Variants in MYO18B observed in about 807,000 individuals in gnomAD.
MYO18B encodes the protein myosin XVIIIB, also known as unconventional myosin-XVIIIb.
A neutral mutation model predicts 273.0 loss-of-function variants in MYO18B; 204 were observed. The observed-to-expected ratio is 0.75, with a 90% CI of 0.67 to 0.84. The LOEUF (loss-of-function observed/expected upper bound fraction) is 0.84, where lower values mean the gene tolerates loss of function less well. MYO18B is among the 40% of genes least tolerant of loss of function. The pLI is 0.00. For synonymous variants in MYO18B, 1,330 were observed against 1,305.7 expected, an observed-to-expected ratio of 1.02 and a Z score of -0.40; for missense variants, 3,212 against 3,287.6, an observed-to-expected ratio of 0.98 and a Z score of 0.56.
chr22:25,789,283 A>T (rs1404908436), intron 11 of MYO18B, among the ~76,000 whole-genome samples: 1 of 151,624 alleles, frequency 6.6e-6, no homozygotes, highest in African/African-American at 2.4e-5. Flanking sequence ...TACTGAATTT[A>T]TCTCTATTCT....
the MYO18B span, among the ~76,000 whole-genome samples, chr22:26,042,486 T>C: frequency 4.6e-5 from 7 of 152,340 alleles, no homozygotes; most frequent in East Asian, 1.3e-3. Flanking sequence ...GTGGGGAATA[T>C]TTACATCTTC....
intron 34 of MYO18B, among the ~76,000 whole-genome samples, chr22:25,938,229 TA>T (rs1158204804): frequency 6.6e-6 from 1 of 152,220 alleles, no homozygotes. Flanking sequence ...TCTAGTAGCT[TA>T]ACAAATCCTA....
intron 21 of MYO18B, among the ~76,000 whole-genome samples, chr22:25,859,631 C>CT (rs1041156219): frequency 1.8e-4 from 26 of 146,952 alleles, no homozygotes; most frequent in South Asian, 1.3e-3. Flanking sequence ...ATGATGTTGA[C>CT]TTTTTTTTTT....
chr22:25,885,763 TGGG>T (rs1198140633), intron 25 of MYO18B, among the ~76,000 whole-genome samples: 3 of 152,124 alleles, frequency 2.0e-5, no homozygotes, highest in Non-Finnish European at 4.4e-5. Flanking sequence ...CTGAAACACT[TGGG>T]GGGCCCTAAT....
Position 25,943,756 on chromosome 22 carries a change from G to A in MYO18B, c.5518-2381G>A, listed in dbSNP as rs897079540. On this transcript the variant is annotated intron_variant, in intron 34 of 43. Coordinates refer to ENST00000335473, the MANE Select transcript of MYO18B (RefSeq NM_032608.7). ...TTTTCTGAGACGGAGTTTCGGTCTT[G>A]TTACCCAGGCTGGAGTGCAATGGTG... Among the ~76,000 whole-genome samples the A allele has an allele frequency of 2.0e-3, 204 of 100,652 alleles. 4 individuals are homozygous for A. The highest frequency in any genetic ancestry group is 2.0e-4 in the Non-Finnish European group (11 of 53,918). 66.0% of individuals were successfully genotyped at this position (100,652 alleles called of 152,430 possible). A position where few individuals can be genotyped will look rare whatever the true frequency, so the allele number is the denominator to read the frequency against.
At chr22:25,974,913 T>C (rs2146755455) in intron 39 of MYO18B, among the ~76,000 whole-genome samples, 1 of 152,270 alleles carries the variant, frequency 6.6e-6, no homozygotes, top group Middle Eastern at 3.4e-3. Flanking sequence ...AAGGAGACTT[T>C]GGAGGCTGTG....
the MYO18B span, among the ~76,000 whole-genome samples, chr22:26,056,441 ACTC>A: frequency 3.7e-4 from 56 of 152,120 alleles, no homozygotes; most frequent in African/African-American, 1.2e-3. Context: ...AGGTATCCTC[ACTC>A]CTGGTCCTGT....
At chr22:26,041,153 C>CT in the MYO18B span, among the ~76,000 whole-genome samples, 2 of 151,464 alleles carry the variant, frequency 1.3e-5, no homozygotes, top group African/African-American at 2.4e-5. Flanking sequence ...CTTTTAGAGC[C>CT]TTTTTTTTCC....
intron 6 of MYO18B, among the ~76,000 whole-genome samples, chr22:25,771,934 A>G (rs57859940): frequency 0.014 from 2,117 of 152,304 alleles, 54 homozygotes; most frequent in African/African-American, 0.047. Context: ...GAGCATATTG[A>G]GAGCTTCCTC....
intron 8 of MYO18B, among the ~76,000 whole-genome samples, chr22:25,779,174 C>T (rs771841238): frequency 3.9e-5 from 6 of 152,036 alleles, no homozygotes; most frequent in Admixed American, 6.6e-5. Context: ...TTGCTCTTCT[C>T]AGGGGCAATA....
chr22:25,951,043 G>A (rs906026864), intron 37 of MYO18B, among the ~76,000 whole-genome samples: 6 of 152,204 alleles, frequency 3.9e-5, no homozygotes, highest in African/African-American at 1.4e-4. Flanking sequence ...GGGAGGCTAA[G>A]GCCCATCTCT....
chr22:26,009,107 C>G (rs5997020), intron 42 of MYO18B, among the ~76,000 whole-genome samples: 14,695 of 152,226 alleles, frequency 0.097, 1,045 homozygotes, highest in African/African-American at 0.2. Context: ...TCCCTCTGAT[C>G]TCTCCCCATC....
At chr22:25,765,097 G>A (rs543822293) in intron 3 of MYO18B, among the ~76,000 whole-genome samples, 5 of 152,250 alleles carry the variant, frequency 3.3e-5, no homozygotes, top group African/African-American at 1.2e-4. Context: ...AAGTAAAGAG[G>A]CAGAGTTAAG....
At chr22:26,004,681 G>T in intron 41 of MYO18B, 37 bp from the exon 42 acceptor site, 8 of 1,610,140 alleles carry the variant, frequency 5.0e-6, no homozygotes, top group Non-Finnish European at 6.8e-6. Flanking sequence ...TACTGTGATT[G>T]TCATTGTGCT....
At chr22:25,895,427 T>A in intron 28 of MYO18B, 147 bp downstream of exon 28, 1 of 874,538 alleles carries the variant, frequency 1.1e-6, no homozygotes. Flanking sequence ...TCCACTATTA[T>A]TACAAATGCT....
In MYO18B at chr22:25,903,712, T is replaced by A. The variant is rs1386436992; in HGVS notation, c.5029T>A (p.Ser1677Thr). The A allele has an allele frequency of 1.2e-6, 2 of 1,608,912 alleles. No individual in the cohort carries two copies. The highest frequency in any genetic ancestry group is 2.2e-5 in the East Asian group (1 of 44,724). Residue 1677 changes from serine to threonine, a missense_variant, in exon 31 of 44, where the codon TCT becomes ACT. Coordinates refer to ENST00000335473, the MANE Select transcript of MYO18B (RefSeq NM_032608.7). ...DHKRELLGSP[S>T]LGENCVAGLK... ...TAAACGGGAGCTGCTGGGGTCACCCTCTCTGGGGGAAAATTGCGTTGCTGG... is the reference window on the plus strand; with the variant it reads ...TAAACGGGAGCTGCTGGGGTCACCCACTCTGGGGGAAAATTGCGTTGCTGG...
At position 26,026,726 on chromosome 22, in the gene MYO18B, C is replaced by G. The variant is rs758997504; in HGVS notation, c.6752C>G (p.Ser2251Trp). 3 of 1,613,580 alleles carry G rather than the reference C, an allele frequency of 1.9e-6. No individual in the cohort carries two copies. The highest frequency in any genetic ancestry group is 2.5e-6 in the Non-Finnish European group (3 of 1,179,758). Residue 2251 changes from serine (S) to tryptophan (W), a missense_variant, in exon 43 of 44, where the codon TCG (serine) becomes TGG (tryptophan). Ser to Trp is a radical substitution (Grantham distance 177). Coordinates refer to ENST00000335473, the MANE Select transcript of MYO18B (RefSeq NM_032608.7). ...EKLPSPSAALSEFVEGLRRKR... is the reference protein window; with the variant it reads ...EKLPSPSAALWEFVEGLRRKR... Reference sequence around the variant, plus strand: ...CTGCCCAGTCCTTCAGCGGCCCTCTCGGAGTTCGTGGAAGGGCTCCGGAGG... The same window carrying G: ...CTGCCCAGTCCTTCAGCGGCCCTCTGGGAGTTCGTGGAAGGGCTCCGGAGG...
Position 25,785,408 on chromosome 22 carries a change from G to A in MYO18B, c.2313-20G>A, listed in dbSNP as rs556710372. The A allele has an allele frequency of 1.3e-4, 209 of 1,598,700 alleles. 2 individuals carry two copies. The South Asian group carries it at 2.3e-3, about 17-fold the overall frequency. On this transcript the variant is annotated intron_variant, in intron 10 of 43. Transcript: ENST00000335473. Reference sequence around the variant, plus strand: ...GGTGTGGACAGCCCCCCTGACTCCTGGTTCCTTCTGTGCTTCCAGGACGGA... The same window carrying A: ...GGTGTGGACAGCCCCCCTGACTCCTAGTTCCTTCTGTGCTTCCAGGACGGA...
Position 25,868,317 on chromosome 22 carries a change from C to T in MYO18B, c.3886-3C>T. On this transcript the variant is annotated splice_region_variant and splice_polypyrimidine_tract_variant and intron_variant, in intron 21 of 43. Coordinates refer to ENST00000335473, the MANE Select transcript of MYO18B (RefSeq NM_032608.7). ...TCTAACTTCTCTCTAATTTTTTCCC[C>T]AGGCCGTGGAGGAGCTCCTGGAGAC... The T allele has an allele frequency of 6.3e-7, 1 of 1,598,944 alleles. No homozygotes were observed. Among genetic ancestry groups the T allele is most frequent in the Non-Finnish European group, 8.5e-7 (1 of 1,172,660 alleles).
Sources: gnomAD v4.1 joint callset for allele counts (sites outside exome capture counted in the v4.1 genomes callset) on GRCh38, gnomAD v4.1.1 for gene constraint, MANE v1.5 for transcripts, NCBI Gene and HGNC (gene_info 2026-07-23, HGNC 2026-07-21) for gene names.